ADCY5: variants seen among roughly 807,000 people sequenced by gnomAD.
ADCY5 encodes adenylate cyclase type 5.
In ADCY5, 30 loss-of-function variants were observed where a neutral mutation model predicts 119.7. The ratio of observed to expected loss-of-function variants is 0.25; its 90% CI spans 0.19 to 0.34. The LOEUF is 0.34. ADCY5 is among the 10% of genes least tolerant of loss of function. ADCY5 has a pLI of 1.00. For missense variants in ADCY5, 1,324 were observed against 1,775.2 expected (o/e 0.75, Z 4.57); for synonymous variants, 753 against 762.2 (o/e 0.99, Z 0.20).
intron 11 of ADCY5, among the ~76,000 whole-genome samples, chr3:123,316,750 T>C (rs927318925): frequency 3.9e-5 from 6 of 152,198 alleles, no homozygotes; most frequent in African/African-American, 1.4e-4. Flanking sequence ...GACTGGGTAG[T>C]AGATGATAGT....
intron 1 of ADCY5, among the ~76,000 whole-genome samples, chr3:123,372,573 C>T (rs745598154): frequency 6.6e-6 from 1 of 152,164 alleles, no homozygotes; most frequent in Non-Finnish European, 1.5e-5. Flanking sequence ...TATTCCTGGC[C>T]ACATGCCTAA....
chr3:123,385,654 G>C (rs1345427752), intron 1 of ADCY5, among the ~76,000 whole-genome samples: 1 of 152,116 alleles, frequency 6.6e-6, no homozygotes, highest in Non-Finnish European at 1.5e-5. Flanking sequence ...AGAAAAGCTG[G>C]AGTCCAAATG....
At chr3:123,420,138 T>G (rs981772545) in intron 1 of ADCY5, 6 of 152,218 alleles carry the variant, frequency 3.9e-5, no homozygotes, top group African/African-American at 1.4e-4. Flanking sequence ...GGCTGCTACA[T>G]CAGAAGCTGG....
At chr3:123,396,554 A>AAG (rs1329685772) in intron 1 of ADCY5, among the ~76,000 whole-genome samples, 50 of 141,394 alleles carry the variant, frequency 3.5e-4, no homozygotes, top group African/African-American at 1.3e-3. Context: ...GAAAGAAAGA[A>AAG]AAAGAGAAAG....
intron 12 of ADCY5, among the ~76,000 whole-genome samples, chr3:123,310,175 G>A (rs1408414463): frequency 6.9e-6 from 1 of 144,358 alleles, no homozygotes; most frequent in Non-Finnish European, 1.5e-5. Flanking sequence ...TTCCCCCACA[G>A]GGCCTATCTG....
At chr3:123,435,723 T>C (rs1306477996) in intron 1 of ADCY5, among the ~76,000 whole-genome samples, 1 of 151,834 alleles carries the variant, frequency 6.6e-6, no homozygotes, top group Non-Finnish European at 1.5e-5. Context: ...GAAGTAAAAA[T>C]TCAGCTGGGC....
chr3:123,390,756 C>T (rs1219977449), intron 1 of ADCY5, among the ~76,000 whole-genome samples: 2 of 152,192 alleles, frequency 1.3e-5, no homozygotes, highest in Admixed American at 1.3e-4. Flanking sequence ...GGCTAGGCCA[C>T]CCAGTCCCAT....
intron 12 of ADCY5, among the ~76,000 whole-genome samples, chr3:123,309,079 A>T (rs35519015): frequency 6.6e-6 from 1 of 151,976 alleles, no homozygotes; most frequent in Non-Finnish European, 1.5e-5. Flanking sequence ...GAAAAACAGG[A>T]GTGGGAACAT....
intron 1 of ADCY5, among the ~76,000 whole-genome samples, chr3:123,399,224 T>C (rs1009191770): frequency 3.3e-5 from 5 of 152,266 alleles, no homozygotes; most frequent in Non-Finnish European, 2.9e-5. Flanking sequence ...CACACGTATT[T>C]TTCATATTGG....
intron 1 of ADCY5, among the ~76,000 whole-genome samples, chr3:123,388,355 T>C (rs1032436962): frequency 4.6e-5 from 7 of 151,874 alleles, no homozygotes; most frequent in African/African-American, 1.7e-4. Context: ...TTGTCAAGGA[T>C]GACTTCAGTT....
intron 2 of ADCY5, among the ~76,000 whole-genome samples, chr3:123,350,215 C>T (rs1331760127): frequency 5.3e-5 from 8 of 152,238 alleles, no homozygotes; most frequent in Non-Finnish European, 1.2e-4. Flanking sequence ...CTCCCCCACT[C>T]GCTGAAACGC....
intron 12 of ADCY5, among the ~76,000 whole-genome samples, chr3:123,308,461 G>A (rs991090602): frequency 6.6e-6 from 1 of 152,166 alleles, no homozygotes; most frequent in Non-Finnish European, 1.5e-5. Flanking sequence ...TTTAAAGAGT[G>A]TCTCATCTCC....
In ADCY5 at chr3:123,352,357, A is replaced by G; in HGVS notation, c.1284+75T>C. ...AGCCGTAATAAGCACTGCCCGCCCT[A>G]GGCCAGGCACTCAGCTGAGGTACAT... On this transcript the variant is annotated intron_variant, in intron 2 of 20. Transcript: ENST00000462833. This position sits in a 1 kb window ranked among gnomAD's most constrained non-coding sequence, Gnocchi z 4.8. 1 of 1,510,732 alleles carries G rather than the reference A, an allele frequency of 6.6e-7. No homozygotes were observed. Among genetic ancestry groups the G allele is most frequent in the Non-Finnish European group, 8.9e-7 (1 of 1,127,548 alleles). 93.6% of individuals were successfully genotyped at this position (1,510,732 alleles called of 1,614,324 possible). A position where few individuals can be genotyped will look rare whatever the true frequency, so the allele number is the denominator to read the frequency against.
At chr3:123,310,980 T>G (rs1022016461) in intron 12 of ADCY5, among the ~76,000 whole-genome samples, 4 of 152,154 alleles carry the variant, frequency 2.6e-5, no homozygotes, top group African/African-American at 7.2e-5. Context: ...GGAAAACTGC[T>G]CCCTGACAGC....
chr3:123,302,823 T>C (rs1303750082), intron 14 of ADCY5, among the ~76,000 whole-genome samples: 1 of 152,176 alleles, frequency 6.6e-6, no homozygotes, highest in African/African-American at 2.4e-5. Flanking sequence ...GTAAGCACTA[T>C]AGAAACAACA....
chr3:123,358,868 T>A (rs1943138458), intron 1 of ADCY5, among the ~76,000 whole-genome samples: 1 of 152,190 alleles, frequency 6.6e-6, no homozygotes, highest in Non-Finnish European at 1.5e-5. Context: ...AGTGCTCGGT[T>A]CGTGCAGTGT....
At chr3:123,353,466 T>G (rs1441981743) in intron 1 of ADCY5, among the ~76,000 whole-genome samples, 2 of 152,210 alleles carry the variant, frequency 1.3e-5, no homozygotes. Flanking sequence ...GTTGTTGTCC[T>G]TGACTTGGGG....
At chr3:123,329,679 G>T (rs1364869051) in intron 5 of ADCY5, among the ~76,000 whole-genome samples, 3 of 152,120 alleles carry the variant, frequency 2.0e-5, no homozygotes, top group African/African-American at 7.2e-5. Flanking sequence ...CTAGCCAGGG[G>T]ACCAGCAGTC....
intron 12 of ADCY5, among the ~76,000 whole-genome samples, chr3:123,307,391 G>A (rs180716254): frequency 8.1e-4 from 124 of 152,292 alleles, no homozygotes; most frequent in African/African-American, 2.9e-3. Context: ...TGGCTATCAA[G>A]ACTTAGTAAA....
Sources: gnomAD v4.1 joint callset for allele counts (sites outside exome capture counted in the v4.1 genomes callset) on GRCh38, gnomAD v4.1.1 for gene constraint, Gnocchi (gnomAD v3.1) non-coding constraint, MANE v1.5 for transcripts, NCBI Gene and HGNC (gene_info 2026-07-23, HGNC 2026-07-21) for gene names.